The following ST18 variants were observed in gnomAD, a reference collection of about 807,000 sequenced individuals.
ST18 encodes the protein ST18 C2H2C-type zinc finger transcription factor.
Under a neutral mutation model 110.0 loss-of-function variants are expected in ST18, and 50 were observed. The ratio of observed to expected loss-of-function variants is 0.45; its 90% CI spans 0.36 to 0.58. The LOEUF (loss-of-function observed/expected upper bound fraction) is 0.58, where lower values mean the gene tolerates loss of function less well. ST18 is among the 20% of genes least tolerant of loss of function. The pLI, the probability that ST18 is intolerant of heterozygous loss-of-function variation, is 0.00. For missense variants in ST18, 1,306 were observed against 1,280.1 expected (o/e 1.02, Z -0.31); for synonymous variants, 461 against 452.4 (o/e 1.02, Z -0.24).
chr8:52,218,266 T>C (rs1049579276), intron 5 of ST18, among the ~76,000 whole-genome samples: 1 of 152,026 alleles, frequency 6.6e-6, no homozygotes, highest in Admixed American at 6.6e-5. Flanking sequence ...TTCTTAATAA[T>C]TGCAGAAAAT....
chr8:52,159,178 T>C, intron 14 of ST18, 69 bp from the exon 15 acceptor site: 1 of 1,437,028 alleles, frequency 7.0e-7, no homozygotes, highest in African/African-American at 1.4e-5. Flanking sequence ...TTTGTTTTTT[T>C]TAAAAATGTA....
chr8:52,180,781 T>C (rs763929426), intron 8 of ST18, among the ~76,000 whole-genome samples: 1 of 152,170 alleles, frequency 6.6e-6, no homozygotes, highest in East Asian at 1.9e-4. Context: ...ATGTCACATA[T>C]CTTGGACTTT....
At chr8:52,359,409 C>T (rs995668078) in intron 2 of ST18, among the ~76,000 whole-genome samples, 1 of 152,034 alleles carries the variant, frequency 6.6e-6, no homozygotes, top group Non-Finnish European at 1.5e-5. Context: ...CCTGCCATAA[C>T]CACAATGAAC....
chr8:52,145,389 A>G (rs1295408328), intron 16 of ST18, among the ~76,000 whole-genome samples: 1 of 152,138 alleles, frequency 6.6e-6, no homozygotes, highest in African/African-American at 2.4e-5. Flanking sequence ...ATATTTTGTA[A>G]CTTTAACACA....
At position 52,363,229 on chromosome 8, in the gene ST18, C is replaced by A. The variant is rs779926936; in HGVS notation, c.-465+46099G>T. Among the ~76,000 whole-genome samples the A allele has an allele frequency of 4.3e-4, 66 of 152,004 alleles. 1 individual carries two copies. The highest frequency in any genetic ancestry group is 1.5e-5 in the Non-Finnish European group (1 of 67,972). On this transcript the variant is annotated intron_variant, in intron 2 of 25. Transcript: ENST00000689386. ...CCATCTCAAAAAAGAAAAAAAAAAT[C>A]TCCTGCAGTGACTGTAGATTTGTCT...
At chr8:52,204,956 A>G (rs947012106) in intron 8 of ST18, among the ~76,000 whole-genome samples, 1 of 152,094 alleles carries the variant, frequency 6.6e-6, no homozygotes, top group Admixed American at 6.5e-5. Context: ...TTTGTTTCTG[A>G]GTCTCTTAAC....
At chr8:52,369,951 G>A (rs1283231990) in intron 2 of ST18, among the ~76,000 whole-genome samples, 2 of 152,180 alleles carry the variant, frequency 1.3e-5, no homozygotes, top group Non-Finnish European at 2.9e-5. Flanking sequence ...AGAATAGCAT[G>A]TGGCAGTATT....
At chr8:52,329,086 T>C (rs1012447234) in intron 2 of ST18, among the ~76,000 whole-genome samples, 1 of 152,168 alleles carries the variant, frequency 6.6e-6, no homozygotes, top group Admixed American at 6.5e-5. Context: ...ACCCAGCATA[T>C]TCCAATGACT....
At chr8:52,128,573 T>C (rs2047993480) in intron 22 of ST18, among the ~76,000 whole-genome samples, 1 of 152,186 alleles carries the variant, frequency 6.6e-6, no homozygotes, top group Admixed American at 6.5e-5. Flanking sequence ...TATATAAATA[T>C]AATATGGATA....
chr8:52,207,434 G>C (rs937850769), intron 8 of ST18, among the ~76,000 whole-genome samples: 13 of 152,210 alleles, frequency 8.5e-5, no homozygotes, highest in African/African-American at 3.1e-4. Context: ...TGAGGCTCCA[G>C]TGAGCCAAGG....
intron 2 of ST18, among the ~76,000 whole-genome samples, chr8:52,369,433 C>T (rs950199405): frequency 1.3e-5 from 2 of 152,200 alleles, no homozygotes; most frequent in Non-Finnish European, 2.9e-5. Context: ...GGTAAGCCAT[C>T]TGGTACTGTG....
intron 16 of ST18, among the ~76,000 whole-genome samples, chr8:52,146,830 T>C (rs983375307): frequency 3.3e-5 from 5 of 152,218 alleles, no homozygotes; most frequent in African/African-American, 7.2e-5. Context: ...TGAGAAACCA[T>C]ATCAGGAGTT....
At chr8:52,186,630 T>C (rs2072356004) in intron 8 of ST18, among the ~76,000 whole-genome samples, 1 of 152,190 alleles carries the variant, frequency 6.6e-6, no homozygotes, top group Admixed American at 6.5e-5. Flanking sequence ...ACAGCAGTAG[T>C]CTCTCCCATA....
At chr8:52,341,537 T>A (rs1173348828) in intron 2 of ST18, among the ~76,000 whole-genome samples, 2 of 152,230 alleles carry the variant, frequency 1.3e-5, no homozygotes, top group African/African-American at 4.8e-5. Flanking sequence ...GACCTTCAGA[T>A]GAAGGGATTA....
intron 2 of ST18, among the ~76,000 whole-genome samples, chr8:52,235,699 G>A (rs1413271766): frequency 6.6e-6 from 1 of 152,168 alleles, no homozygotes; most frequent in Non-Finnish European, 1.5e-5. Flanking sequence ...AACTAGTGAA[G>A]TAGGAAATAA....
chr8:52,291,459 T>C (rs1289004352), intron 2 of ST18, among the ~76,000 whole-genome samples: 1 of 152,252 alleles, frequency 6.6e-6, no homozygotes, highest in African/African-American at 2.4e-5. Flanking sequence ...TTTGACATTG[T>C]TGGGAATTGT....
At chr8:52,119,637 G>A (rs2043910013) in intron 23 of ST18, among the ~76,000 whole-genome samples, 1 of 152,148 alleles carries the variant, frequency 6.6e-6, no homozygotes, top group Non-Finnish European at 1.5e-5. Flanking sequence ...CACACAGGAA[G>A]CATGCATAAG....
At chr8:52,164,858 A>G (rs1365247053) in intron 12 of ST18, among the ~76,000 whole-genome samples, 1 of 152,236 alleles carries the variant, frequency 6.6e-6, no homozygotes, top group Non-Finnish European at 1.5e-5. Flanking sequence ...TTCTATTTGT[A>G]TGATTATATG....
At chr8:52,285,991 C>A (rs952526254) in intron 2 of ST18, among the ~76,000 whole-genome samples, 4 of 152,204 alleles carry the variant, frequency 2.6e-5, no homozygotes. Context: ...GCTCCTACTA[C>A]CATTACTTGA....
Sources: allele counts gnomAD v4.1 joint callset (sites outside exome capture counted in the v4.1 genomes callset), GRCh38; gene constraint gnomAD v4.1.1; transcripts MANE v1.5; gene names NCBI Gene and HGNC (gene_info 2026-07-23, HGNC 2026-07-21).